MYO15A: variants seen among roughly 807,000 people sequenced by gnomAD.
MYO15A encodes the protein unconventional myosin-XV.
A neutral mutation model predicts 394.6 loss-of-function variants in MYO15A; 308 were observed. The observed-to-expected ratio is 0.78, with a 90% confidence interval of 0.71 to 0.86. The LOEUF (loss-of-function observed/expected upper bound fraction) is 0.86. MYO15A is among the 40% of genes least tolerant of loss of function. The pLI is 0.00. For synonymous variants in MYO15A, 1,957 were observed against 2,003.8 expected (o/e 0.98, Z 0.62); for missense variants, 4,606 against 4,799.1 (o/e 0.96, Z 1.19).
rs766632895 is a variant in MYO15A, at chr17:18,151,426, T to C, written c.7686T>C (p.Ser2562=). ...TSPSPELVRY[S]TLNSEHFPQP... ...CCTCCCCAGAGCTGGTCCGGTACTC[T>C]ACGCTCAACTCTGAGCACTTCCCAC... The change falls in exon 40 of 66, where the codon TCT becomes TCC. Residue 2562 remains serine (S), a synonymous_variant. Transcript: ENST00000647165. 1.2e-6 allele frequency: 2 copies of C among 1,614,178 alleles called. No individual in the cohort carries two copies. Among genetic ancestry groups the C allele is most frequent in the Non-Finnish European group, 1.7e-6 (2 of 1,180,030 alleles).
chr17:18,130,654 A>T, intron 7 of MYO15A, 151 bp from the exon 8 acceptor site: 1 of 1,315,948 alleles, frequency 7.6e-7, no homozygotes, highest in Non-Finnish European at 1.1e-6. Context: ...CCAAGCCTGG[A>T]CCCCTGGGGT....
chr17:18,161,536 C>T, intron 57 of MYO15A, 89 bp downstream of exon 57: 2 of 1,563,992 alleles, frequency 1.3e-6, no homozygotes, highest in Non-Finnish European at 1.7e-6. Flanking sequence ...ACCCAGAGGG[C>T]CTCGCTCTTC....
chr17:18,161,464 T>C lies in MYO15A; in HGVS notation c.9517+17T>C, dbSNP rs1229773913. The C allele has an allele frequency of 6.2e-7, 1 of 1,612,576 alleles. No homozygotes were observed. The highest frequency in any genetic ancestry group is 1.1e-5 in the South Asian group (1 of 91,074). On this transcript the variant is annotated intron_variant, in intron 57 of 65. Transcript: ENST00000647165. The stretch of plus-strand genomic sequence containing the variant: ...CCTTTCAGGGTGAGAGGTCAATGAG[T>C]GGGAACCCAGGGCTGCATGCTTCTC...
chr17:18,134,280 G>A (rs1006187087), intron 12 of MYO15A, among the ~76,000 whole-genome samples: 4 of 152,180 alleles, frequency 2.6e-5, no homozygotes, highest in African/African-American at 7.2e-5. Flanking sequence ...GAGCCACCGT[G>A]CCCCGGCCTG....
intron 60 of MYO15A, chr17:18,164,161 G>T: frequency 2.5e-6 from 1 of 403,324 alleles, no homozygotes; most frequent in Non-Finnish European, 4.7e-6. Context: ...CATTAATAGC[G>T]CCGCATATTA....
At chr17:18,176,259 G>A (rs953978065) in intron 65 of MYO15A, among the ~76,000 whole-genome samples, 4 of 152,188 alleles carry the variant, frequency 2.6e-5, no homozygotes, top group South Asian at 2.1e-4. Flanking sequence ...TGCAAGAAGC[G>A]TGGCACCAGC....
chr17:18,120,386 A>G lies in MYO15A; in HGVS notation c.1586A>G (p.His529Arg). The G allele has an allele frequency of 1.9e-6, 3 of 1,610,918 alleles. No individual in the cohort carries two copies. The highest frequency in any genetic ancestry group is 2.5e-6 in the Non-Finnish European group (3 of 1,179,630). Residue 529 changes from histidine to arginine, a missense_variant, in exon 2 of 66, where the codon CAC (histidine) becomes CGC (arginine). This residue lies in a region of MYO15A where 1,830 missense variants were observed against 1,689.7 expected (regional missense o/e 1.08). Transcript: ENST00000647165. ...CCGGTTTCCGCTGTGCCCTACGGCC[A>G]CCCTTTCTGGGGCTTCCTCACGCCG... ...LPPVSAVPYG[H>R]PFWGFLTPRQ...
rs1341884181 is a variant in MYO15A at position 18,121,184 on chromosome 17, C to T, written c.2384C>T (p.Pro795Leu). 2.6e-6 allele frequency: 4 copies of T among 1,511,582 alleles called. No individual in the cohort carries two copies. The highest frequency in any genetic ancestry group is 2.4e-5 in the South Asian group (2 of 81,638). 93.6% of individuals were successfully genotyped at this position (1,511,582 alleles called of 1,614,324 possible). A position where few individuals can be genotyped will look rare whatever the true frequency, so the allele number is the denominator to read the frequency against. ...GLGYCSPLAPPSPQLSLRTGP... is the reference protein window; with the variant it reads ...GLGYCSPLAPLSPQLSLRTGP... ...GGCTACTGCTCACCCTTGGCGCCCC[C>T]GTCGCCTCAGCTGTCCTTGCGCACG... is the stretch of plus-strand genomic sequence containing the variant. The change falls in exon 2 of 66, where the codon CCG becomes CTG. Residue 795 changes from proline (P) to leucine (L), a missense_variant. Coordinates refer to ENST00000647165, the MANE Select transcript of MYO15A (RefSeq NM_016239.4). This position sits in a 1 kb window ranked among gnomAD's most constrained non-coding sequence, Gnocchi z 5.3.
At position 18,126,833 on chromosome 17, in the gene MYO15A, C is replaced by T. The variant is rs377070697; in HGVS notation, c.3909C>T (p.Leu1303=). The part of the protein sequence containing the change: ...AVANLAFAKM[L]DAKQNQCIII... The stretch of plus-strand genomic sequence containing the variant: ...CAAATCTCGCCTTCGCCAAAATGCT[C>T]GATGCCAAACAGAACCAGTGCATAA... Residue 1303 remains leucine (L), a synonymous_variant, in exon 6 of 66, where the codon CTC becomes CTT. Coordinates refer to ENST00000647165, the MANE Select transcript of MYO15A (RefSeq NM_016239.4). 9.5e-5 allele frequency: 154 copies of T among 1,613,730 alleles called. No individual in the cohort carries two copies. The highest frequency in any genetic ancestry group is 4.9e-4 in the Middle Eastern group (3 of 6,084).
rs545726490 is a variant in MYO15A, at chr17:18,133,297, T to G, written c.4393T>G (p.Leu1465Val). 6 of 1,614,158 alleles carry G rather than the reference T, an allele frequency of 3.7e-6. No individual in the cohort carries two copies. In the African/African-American group the frequency reaches 4.0e-5, roughly 11 times the overall value. Reference protein sequence around the residue: ...FRRLLAAMEVLGFSSEDQDSI... With the variant: ...FRRLLAAMEVVGFSSEDQDSI... Reference sequence around the variant, plus strand: ...CCGGCTCCTGGCTGCCATGGAGGTGTTGGGCTTCAGCAGTGAGGACCAGGA... The same window carrying G: ...CCGGCTCCTGGCTGCCATGGAGGTGGTGGGCTTCAGCAGTGAGGACCAGGA... Residue 1465 changes from leucine to valine, a missense_variant, in exon 12 of 66, where the codon TTG becomes GTG. Leu to Val is a conservative substitution (Grantham distance 32). Coordinates refer to ENST00000647165, the MANE Select transcript of MYO15A (RefSeq NM_016239.4).
chr17:18,118,646 G>GC lies in MYO15A; in HGVS notation c.-152dup, dbSNP rs565625842. ...TCCGCCCTCCCGGAATCCTGGCTCG[G>GC]CCCTCCCCACGCCACCCAGGGCCAG... On this transcript the variant is annotated 5_prime_UTR_variant, in exon 2 of 66. The change abolishes the stop of an existing upstream ORF in the 5' untranslated region. Transcript: ENST00000647165. 6.7e-5 allele frequency: 78 copies of GC among 1,162,022 alleles called. No individual in the cohort carries two copies. The South Asian group carries it at 1.2e-3, about 17-fold the overall frequency. 72.0% of individuals were successfully genotyped at this position (1,162,022 alleles called of 1,614,324 possible).
intron 57 of MYO15A, 137 bp downstream of exon 57, chr17:18,161,584 C>A: frequency 7.5e-7 from 1 of 1,330,144 alleles, no homozygotes. Flanking sequence ...TTAATATACT[C>A]CCCAAACATT....
chr17:18,164,017 C>G, intron 60 of MYO15A, 179 bp downstream of exon 60: 1 of 673,576 alleles, frequency 1.5e-6, no homozygotes. Flanking sequence ...CTTTATCTGT[C>G]CCTTTCTGCT....
chr17:18,121,343 C>G lies in MYO15A; in HGVS notation c.2543C>G (p.Ser848Trp). The change falls in exon 2 of 66, where the codon TCG (serine) becomes TGG (tryptophan). Residue 848 changes from serine (S) to tryptophan (W), a missense_variant. Coordinates refer to ENST00000647165, the MANE Select transcript of MYO15A (RefSeq NM_016239.4). This position sits in a 1 kb window ranked among gnomAD's most constrained non-coding sequence, Gnocchi z 5.3. Reference protein sequence around the residue: ...SPLPGSPRPPSPPLGLCHSPR... With the variant: ...SPLPGSPRPPWPPLGLCHSPR... Reference sequence around the variant, plus strand: ...CTGCCGGGCTCACCCAGGCCGCCCTCGCCGCCCCTGGGGCTCTGCCACAGC... The same window carrying G: ...CTGCCGGGCTCACCCAGGCCGCCCTGGCCGCCCCTGGGGCTCTGCCACAGC... The G allele has an allele frequency of 7.1e-6, 10 of 1,412,646 alleles. No homozygotes were observed. The highest frequency in any genetic ancestry group is 9.2e-6 in the Non-Finnish European group (10 of 1,089,802). The allele number at this position is 1,412,646 out of a possible 1,614,324, so 87.5% of individuals were successfully genotyped here.
At position 18,148,655 on chromosome 17, in the gene MYO15A, G is replaced by C; in HGVS notation, c.6764+87G>C. On this transcript the variant is annotated intron_variant, in intron 32 of 65. Transcript: ENST00000647165. This position sits in a 1 kb window ranked among gnomAD's most constrained non-coding sequence, Gnocchi z 4.8. ...TCAGATCCCCCAGAGGGTCCCATAGGGTCCATTCTGTTCATGTTTAGGGTC... is the reference window on the plus strand; with the variant it reads ...TCAGATCCCCCAGAGGGTCCCATAGCGTCCATTCTGTTCATGTTTAGGGTC... 3 of 1,545,760 alleles carry C rather than the reference G, an allele frequency of 1.9e-6. No individual in the cohort carries two copies. The highest frequency in any genetic ancestry group is 2.6e-6 in the Non-Finnish European group (3 of 1,142,950).
chr17:18,134,550 G>C (rs1032340562), intron 12 of MYO15A, among the ~76,000 whole-genome samples: 5 of 152,042 alleles, frequency 3.3e-5, no homozygotes, highest in African/African-American at 1.2e-4. Flanking sequence ...TTTTTTCCCA[G>C]GTGGTTACTC....
chr17:18,158,698 T>C (rs1394709164), intron 52 of MYO15A, 60 bp downstream of exon 52: 14 of 1,578,252 alleles, frequency 8.9e-6, no homozygotes, highest in East Asian at 6.7e-5. Flanking sequence ...CTTGCTGCCA[T>C]CCAAACTGCA....
chr17:18,151,325 G>A, intron 39 of MYO15A, 35 bp downstream of exon 39: 1 of 1,614,196 alleles, frequency 6.2e-7, no homozygotes, highest in Non-Finnish European at 8.5e-7. Flanking sequence ...GGGCTTCCCA[G>A]GACAGGCCTG....
chr17:18,120,211 C>G lies in MYO15A; in HGVS notation c.1411C>G (p.Leu471Val). Residue 471 changes from leucine to valine, a missense_variant, in exon 2 of 66, where the codon CTG becomes GTG. Physicochemically the swap from Leu to Val is conservative, Grantham distance 32. This residue lies in a region of MYO15A where 1,830 missense variants were observed against 1,689.7 expected (regional missense o/e 1.08). Transcript: ENST00000647165. ...QGMDKPARSK[L>V]SLIRKFRLFP... ...CATGGATAAGCCCGCCAGGTCCAAG[C>G]TGTCCCTCATCCGCAAGTTCCGCCT... is the stretch of plus-strand genomic sequence containing the variant. 1.9e-6 allele frequency: 3 copies of G among 1,612,892 alleles called. No homozygotes were observed. Among genetic ancestry groups the G allele is most frequent in the Non-Finnish European group, 2.5e-6 (3 of 1,179,972 alleles).
Sources: gnomAD v4.1 joint callset for allele counts (sites outside exome capture counted in the v4.1 genomes callset) on GRCh38, gnomAD v4.1.1 for gene constraint, gnomAD v4.1.1 regional missense constraint, Gnocchi (gnomAD v3.1) non-coding constraint, MANE v1.5 for transcripts, NCBI Gene and HGNC (gene_info 2026-07-23, HGNC 2026-07-21) for gene names.